RRBP1: variants seen among roughly 807,000 people sequenced by gnomAD.
The protein encoded by RRBP1 is ribosome binding protein 1.
Under a neutral mutation model 165.2 loss-of-function variants are expected in RRBP1, and 94 were observed. That is an observed-to-expected ratio of 0.57 (90% CI 0.48 to 0.68). RRBP1 has a LOEUF of 0.68. Ranked by LOEUF, RRBP1 falls within the 30% of genes least tolerant of loss-of-function variation. The probability of loss-of-function intolerance (pLI) is 0.00; values close to 1 mark genes in which losing one functional copy is unlikely to be tolerated. For synonymous variants in RRBP1, 680 were observed against 714.5 expected (o/e 0.95, Z 0.77); for missense variants, 1,676 against 1,763.0 (o/e 0.95, Z 0.88).
chr20:17,621,666 G>A (rs1469999480), intron 15 of RRBP1, 24 bp downstream of exon 15: 1 of 1,610,910 alleles, frequency 6.2e-7, no homozygotes, highest in Non-Finnish European at 8.5e-7. Context: ...CAACAGAGGA[G>A]CCTTGCCAGG....
rs199895813 is a variant in RRBP1, at chr20:17,636,642, C to T, written c.2272G>A (p.Val758Met). Residue 758 changes from valine to methionine, a missense_variant, in exon 6 of 25, where the codon GTG becomes ATG. Coordinates refer to ENST00000377813, the MANE Select transcript of RRBP1 (RefSeq NM_001365613.2). ...TAGCTGGCCTGCATGCGTGCCTGCA[C>T]AGCCGTGATCTCCTGCTCCCGGGCC... Reference protein sequence around the residue: ...LVAREQEITAVQARMQASYRE... With the variant: ...LVAREQEITAMQARMQASYRE... 1.2e-4 allele frequency: 187 copies of T among 1,613,218 alleles called. No individual in the cohort carries two copies. Among genetic ancestry groups the T allele is most frequent in the Admixed American group, 7.2e-4 (43 of 60,030 alleles).
chr20:17,635,404 G>GGA, intron 7 of RRBP1, 142 bp downstream of exon 7: 1 of 634,682 alleles, frequency 1.6e-6, no homozygotes, highest in Admixed American at 2.9e-5. Flanking sequence ...AACCCAGACG[G>GGA]GAGATGGAAG....
chr20:17,651,094 C>G (rs1010831425), intron 3 of RRBP1, among the ~76,000 whole-genome samples: 4 of 152,316 alleles, frequency 2.6e-5, no homozygotes, highest in African/African-American at 4.8e-5. Flanking sequence ...AGGATCCCAT[C>G]AATTTCCTCC....
At chr20:17,614,608 C>T (rs1259024744) in intron 24 of RRBP1, 129 bp downstream of exon 24, 3 of 1,220,418 alleles carry the variant, frequency 2.5e-6, no homozygotes, top group African/African-American at 1.5e-5. Flanking sequence ...CTCTGCCTCC[C>T]CTGGGGCTCC....
chr20:17,649,803 G>A (rs776466352), intron 3 of RRBP1, among the ~76,000 whole-genome samples: 1 of 152,080 alleles, frequency 6.6e-6, no homozygotes, highest in Non-Finnish European at 1.5e-5. Context: ...GTAGAATGGG[G>A]GCTCAGCGAG....
At chr20:17,654,488 C>T (rs1015151953) in intron 3 of RRBP1, among the ~76,000 whole-genome samples, 8 of 152,256 alleles carry the variant, frequency 5.3e-5, no homozygotes, top group Non-Finnish European at 1.0e-4. Flanking sequence ...TGCTTGTTAA[C>T]TGGGATTTCA....
At position 17,619,711 on chromosome 20, in the gene RRBP1, C is replaced by T. The variant is rs142431748; in HGVS notation, c.3597G>A (p.Ser1199=). ...ESSDQVREHT[S]HLEAELEKHM... ...GCTTTTCCAGCTCTGCCTCCAAATG[C>T]GACGTGTGCTCCCTCACCTGGACAG... The change falls in exon 19 of 25, where the codon TCG becomes TCA. Residue 1199 remains serine, a synonymous_variant. Transcript: ENST00000377813. 5.0e-6 allele frequency: 8 copies of T among 1,612,454 alleles called. No homozygotes were observed. The highest frequency in any genetic ancestry group is 1.3e-5 in the African/African-American group (1 of 74,842).
intron 8 of RRBP1, among the ~76,000 whole-genome samples, chr20:17,633,062 T>C (rs112316058): frequency 2.0e-5 from 3 of 152,166 alleles, no homozygotes; most frequent in Non-Finnish European, 4.4e-5. Flanking sequence ...AGAGCGAGAC[T>C]TGGGGTTCAA....
intron 5 of RRBP1, chr20:17,641,306 T>A (rs977839117): frequency 4.8e-5 from 8 of 165,288 alleles, no homozygotes; most frequent in Middle Eastern, 2.9e-3. Context: ...GGAGCCAGGG[T>A]TTCCCTGCAC....
At chr20:17,677,174 C>A (rs371788977) in intron 2 of RRBP1, among the ~76,000 whole-genome samples, 1 of 152,256 alleles carries the variant, frequency 6.6e-6, no homozygotes, top group Admixed American at 6.5e-5. Context: ...TCACACAGGG[C>A]ACCAGTTTGG....
chr20:17,624,445 CTG>C, intron 13 of RRBP1, 129 bp downstream of exon 13: 1 of 673,138 alleles, frequency 1.5e-6, no homozygotes, highest in Non-Finnish European at 2.7e-6. Flanking sequence ...CCTAGTGCCT[CTG>C]TATGTCTGTC....
At chr20:17,639,888 C>A (rs2036317919) in intron 5 of RRBP1, among the ~76,000 whole-genome samples, 2 of 127,354 alleles carry the variant, frequency 1.6e-5, no homozygotes, top group African/African-American at 2.9e-5. Context: ...AGTGAAACTC[C>A]AGTCTCAAAA....
intron 3 of RRBP1, among the ~76,000 whole-genome samples, chr20:17,657,519 T>C (rs1183171203): frequency 1.3e-5 from 2 of 150,602 alleles, no homozygotes; most frequent in Non-Finnish European, 2.9e-5. Flanking sequence ...AATGCAATTA[T>C]TTTTCCAAAT....
At chr20:17,622,689 G>A (rs898111776) in intron 13 of RRBP1, among the ~76,000 whole-genome samples, 1 of 152,096 alleles carries the variant, frequency 6.6e-6, no homozygotes, top group African/African-American at 2.4e-5. Flanking sequence ...GGGCCCAAGG[G>A]AATCATGAAG....
At chr20:17,663,979 C>A (rs905171873) in intron 2 of RRBP1, among the ~76,000 whole-genome samples, 1 of 152,182 alleles carries the variant, frequency 6.6e-6, no homozygotes, top group Non-Finnish European at 1.5e-5. Context: ...TTCCCAACAC[C>A]CCCAGTGGGT....
At chr20:17,653,999 A>G (rs2036604315) in intron 3 of RRBP1, among the ~76,000 whole-genome samples, 1 of 152,194 alleles carries the variant, frequency 6.6e-6, no homozygotes, top group South Asian at 2.1e-4. Flanking sequence ...ACAGTTAAAC[A>G]GTAATGCACA....
chr20:17,665,890 A>C (rs1042141066), intron 2 of RRBP1, among the ~76,000 whole-genome samples: 1 of 152,194 alleles, frequency 6.6e-6, no homozygotes. Flanking sequence ...ATGTGACAGG[A>C]AACAGTGATA....
At chr20:17,651,789 G>T (rs1252229724) in intron 3 of RRBP1, among the ~76,000 whole-genome samples, 1 of 152,254 alleles carries the variant, frequency 6.6e-6, no homozygotes, top group Non-Finnish European at 1.5e-5. Flanking sequence ...AAAAGGCAAG[G>T]ATTAGGAAGG....
In RRBP1 at chr20:17,659,848, T is replaced by A; in HGVS notation, c.660A>T (p.Arg220Ser). 1 of 1,551,638 alleles carries A rather than the reference T, an allele frequency of 6.4e-7. No homozygotes were observed. Reference protein sequence around the residue: ...KKAEGAPNQGRKAEGTPNQGK... With the variant: ...KKAEGAPNQGSKAEGTPNQGK... The stretch of plus-strand genomic sequence containing the variant: ...CCTGGTTTGGGGTTCCCTCTGCCTT[T>A]CTGCCCTGGTTTGGGGCTCCTTCAG... Residue 220 changes from arginine (R) to serine (S), a missense_variant, in exon 3 of 25, where the codon AGA becomes AGT. By Grantham distance (110) the Arg-to-Ser change is moderately radical. Around this residue, in one of 5 missense-constraint regions of RRBP1, gnomAD observed 392 missense variants for 382.5 expected, o/e 1.02. Transcript: ENST00000377813.
Sources: allele counts gnomAD v4.1 joint callset (sites outside exome capture counted in the v4.1 genomes callset), GRCh38; gene constraint gnomAD v4.1.1; regional missense constraint gnomAD v4.1.1; transcripts MANE v1.5; gene names NCBI Gene and HGNC (gene_info 2026-07-23, HGNC 2026-07-21).